INVS: variants seen among roughly 807,000 people sequenced by gnomAD.
INVS encodes inversin, also known as inversion of embryo turning homolog.
In INVS, 86 loss-of-function variants were observed where a neutral mutation model predicts 108.8. That is an observed-to-expected ratio of 0.79 (90% confidence interval 0.66 to 0.95). The LOEUF is 0.95. Among genes scored for constraint, INVS ranks in the 40% least tolerant of loss-of-function variants. INVS has a pLI of 0.00. For missense variants in INVS, 1,169 were observed against 1,297.4 expected (o/e 0.90, Z 1.52); for synonymous variants, 455 against 473.5 (o/e 0.96, Z 0.51).
In INVS at chr9:100,301,867, A is replaced by T. The variant is rs943456112; in HGVS notation, c.*1193A>T. 6.6e-6 allele frequency among the ~76,000 whole-genome samples: 1 copy of T among 152,140 alleles called. No homozygotes were observed. Among genetic ancestry groups the T allele is most frequent in the Non-Finnish European group, 1.5e-5 (1 of 68,022 alleles). ...AACACAAAGAAGGAGGTCTGCCTGG[A>T]TGGAATTACAAAGATTTAGCCAGTT... On this transcript the variant is annotated 3_prime_UTR_variant, in exon 17 of 17. Coordinates refer to ENST00000262457, the MANE Select transcript of INVS (RefSeq NM_014425.5).
chr9:100,157,127 A>G (rs777279418), intron 3 of INVS, among the ~76,000 whole-genome samples: 1 of 151,542 alleles, frequency 6.6e-6, no homozygotes, highest in Non-Finnish European at 1.5e-5. Flanking sequence ...CTGTTAACTG[A>G]AAAAAAAGCT....
At chr9:100,262,238 CAA>C (rs71370986) in intron 10 of INVS, among the ~76,000 whole-genome samples, 14 of 146,804 alleles carry the variant, frequency 9.5e-5, no homozygotes, top group African/African-American at 2.0e-4. Context: ...CTAACCTTGT[CAA>C]AAAAAAAAAG....
intron 3 of INVS, among the ~76,000 whole-genome samples, chr9:100,133,327 A>G (rs1471213874): frequency 1.3e-5 from 2 of 150,626 alleles, no homozygotes; most frequent in Non-Finnish European, 2.9e-5. Flanking sequence ...ATATGTTTCT[A>G]CCTTTACTTT....
chr9:100,236,359 A>G (rs1430553131), intron 5 of INVS, among the ~76,000 whole-genome samples: 2 of 152,136 alleles, frequency 1.3e-5, no homozygotes, highest in East Asian at 1.9e-4. Flanking sequence ...TCTTCTGTCA[A>G]TTCATCAAAC....
At chr9:100,198,466 T>C (rs1012768667) in intron 3 of INVS, among the ~76,000 whole-genome samples, 1 of 151,312 alleles carries the variant, frequency 6.6e-6, no homozygotes, top group Non-Finnish European at 1.5e-5. Context: ...TAATTTTGTA[T>C]TTGTAATAGA....
rs149315279 is a variant in INVS at position 100,226,155 on chromosome 9, C to A, written c.367C>A (p.Arg123=). Residue 123 remains arginine (R), a synonymous_variant, in exon 4 of 17, where the codon CGG becomes AGG. Transcript: ENST00000262457. ...EEMTPLHLTT[R]HRSPKCLALL... ...GATGACTCCTTTGCACTTGACCACC[C>A]GGCACAGGAGCCCTAAGTGTTTGGC... The A allele has an allele frequency of 1.1e-5, 17 of 1,613,928 alleles. No individual in the cohort carries two copies. Among genetic ancestry groups the A allele is most frequent in the Non-Finnish European group, 1.4e-5 (17 of 1,179,904 alleles).
intron 2 of INVS, among the ~76,000 whole-genome samples, chr9:100,113,487 C>G (rs879739977): frequency 1.3e-5 from 2 of 152,118 alleles, no homozygotes; most frequent in South Asian, 4.1e-4. Context: ...AAATATATGT[C>G]GAAGTATTGC....
At chr9:100,262,970 G>T (rs1476588778) in intron 10 of INVS, among the ~76,000 whole-genome samples, 1 of 152,028 alleles carries the variant, frequency 6.6e-6, no homozygotes, top group Admixed American at 6.6e-5. Flanking sequence ...GGCTGTTCTT[G>T]AACTCCTGAG....
intron 3 of INVS, chr9:100,176,023 C>T (rs1829702500): frequency 7.5e-6 from 4 of 534,822 alleles, no homozygotes; most frequent in Non-Finnish European, 1.5e-5. Flanking sequence ...TATTCCTAAA[C>T]TATTCCAAGA....
intron 8 of INVS, among the ~76,000 whole-genome samples, chr9:100,250,780 C>G (rs1304195176): frequency 6.6e-6 from 1 of 152,212 alleles, no homozygotes; most frequent in Non-Finnish European, 1.5e-5. Context: ...CTCAGAAGAG[C>G]TAGAGTGATC....
intron 3 of INVS, among the ~76,000 whole-genome samples, chr9:100,174,655 T>C (rs1165789043): frequency 6.6e-6 from 1 of 152,178 alleles, no homozygotes; most frequent in Non-Finnish European, 1.5e-5. Context: ...AGCTCATGCC[T>C]GTAATCCTGC....
chr9:100,099,586 CAG>C (rs1387191707), intron 1 of INVS, among the ~76,000 whole-genome samples, 170 bp downstream of exon 1: 1 of 152,216 alleles, frequency 6.6e-6, no homozygotes, highest in Non-Finnish European at 1.5e-5. Flanking sequence ...ATTATAAAGT[CAG>C]AGCCACCACT....
chr9:100,112,171 T>C (rs544651234), intron 2 of INVS, among the ~76,000 whole-genome samples: 63 of 152,144 alleles, frequency 4.1e-4, no homozygotes, highest in African/African-American at 1.3e-3. Flanking sequence ...AGGGTTTTGC[T>C]ATGTTGGCCA....
intron 3 of INVS, among the ~76,000 whole-genome samples, chr9:100,178,602 A>G (rs1356586144): frequency 6.6e-6 from 1 of 152,230 alleles, no homozygotes. Flanking sequence ...AAAAGAATGA[A>G]AAGGAATGCA....
At chr9:100,255,183 C>T (rs946938678) in intron 10 of INVS, among the ~76,000 whole-genome samples, 25 of 152,002 alleles carry the variant, frequency 1.6e-4, no homozygotes, top group Admixed American at 5.3e-4. Context: ...GAAGACATTG[C>T]GAATGGGAGT....
chr9:100,292,189 A>G, intron 13 of INVS, 137 bp from the exon 14 acceptor site: 1 of 808,374 alleles, frequency 1.2e-6, no homozygotes, highest in Non-Finnish European at 2.1e-6. Flanking sequence ...TAGAAGTTAA[A>G]CCGTTTTTTT....
chr9:100,228,363 G>T (rs865827044), intron 4 of INVS, among the ~76,000 whole-genome samples: 3 of 152,120 alleles, frequency 2.0e-5, no homozygotes, highest in Non-Finnish European at 2.9e-5. Flanking sequence ...TTTTCAAAAT[G>T]TATCTTTTCA....
At chr9:100,144,598 A>G (rs1174412331) in intron 3 of INVS, among the ~76,000 whole-genome samples, 1 of 152,188 alleles carries the variant, frequency 6.6e-6, no homozygotes, top group African/African-American at 2.4e-5. Context: ...AGCTCCAGCC[A>G]CTTTCCTAAG....
chr9:100,200,005 T>C (rs1830491504), intron 3 of INVS, among the ~76,000 whole-genome samples: 1 of 152,216 alleles, frequency 6.6e-6, no homozygotes, highest in Non-Finnish European at 1.5e-5. Flanking sequence ...TTCCTTGTCT[T>C]CAAATTTAAT....
Sources: allele counts gnomAD v4.1 joint callset (sites outside exome capture counted in the v4.1 genomes callset), GRCh38; gene constraint gnomAD v4.1.1; transcripts MANE v1.5; gene names NCBI Gene and HGNC (gene_info 2026-07-23, HGNC 2026-07-21).